Variants in ATAD2 observed in about 807,000 individuals in gnomAD.
ATAD2 encodes ATPase family AAA domain containing 2.
In ATAD2, 62 loss-of-function variants were observed where a neutral mutation model predicts 168.9. That is an observed-to-expected ratio of 0.37 (90% confidence interval 0.30 to 0.45). The LOEUF (loss-of-function observed/expected upper bound fraction) is 0.45. Ranked by LOEUF, ATAD2 falls within the 20% of genes least tolerant of loss-of-function variation. ATAD2 has a pLI of 1.00. For synonymous variants in ATAD2, 613 were observed against 571.6 expected, an observed-to-expected ratio of 1.07 and a Z score of -1.03; for missense variants, 1,419 against 1,667.8, an observed-to-expected ratio of 0.85 and a Z score of 2.60.
chr8:123,375,017 A>G (rs1390818796), intron 2 of ATAD2, among the ~76,000 whole-genome samples: 3 of 152,226 alleles, frequency 2.0e-5, no homozygotes, highest in African/African-American at 7.2e-5. Flanking sequence ...AGTAAAAAAA[A>G]GAATGGAAAG....
intron 11 of ATAD2, among the ~76,000 whole-genome samples, chr8:123,358,724 T>A (rs552210602): frequency 2.7e-4 from 31 of 115,928 alleles, no homozygotes; most frequent in African/African-American, 1.0e-3. Context: ...GGTACATTAC[T>A]TTTTTTTTTT....
intron 25 of ATAD2, among the ~76,000 whole-genome samples, chr8:123,326,871 A>C (rs1001380064): frequency 1.3e-5 from 2 of 152,162 alleles, no homozygotes; most frequent in African/African-American, 4.8e-5. Context: ...TCAATGATAA[A>C]TGAGAAAAAT....
intron 13 of ATAD2, among the ~76,000 whole-genome samples, chr8:123,351,914 A>G (rs1586875116): frequency 6.6e-6 from 1 of 151,976 alleles, no homozygotes; most frequent in East Asian, 1.9e-4. Flanking sequence ...TGCCTGGCTA[A>G]TATTTTTGTA....
intron 27 of ATAD2, 46 bp downstream of exon 27, chr8:123,322,892 T>C (rs776352745): frequency 1.3e-6 from 2 of 1,577,020 alleles, no homozygotes; most frequent in Non-Finnish European, 1.7e-6. Context: ...GATATATTAA[T>C]GTGACCACAA....
intron 12 of ATAD2, among the ~76,000 whole-genome samples, chr8:123,356,917 C>A (rs577554800): frequency 6.6e-6 from 1 of 151,996 alleles, no homozygotes; most frequent in African/African-American, 2.4e-5. Context: ...AAAAGATATA[C>A]TCCACTGGTT....
At chr8:123,376,562 TACACACAC>T (rs529588632) in intron 2 of ATAD2, among the ~76,000 whole-genome samples, 8 of 150,156 alleles carry the variant, frequency 5.3e-5, no homozygotes, top group African/African-American at 2.0e-4. Flanking sequence ...TCAAAAAAAA[TACACACAC>T]ACACACACAC....
chr8:123,372,730 C>A, intron 2 of ATAD2, 44 bp from the exon 3 acceptor site: 2 of 1,460,554 alleles, frequency 1.4e-6, no homozygotes, highest in Non-Finnish European at 1.9e-6. Flanking sequence ...ATTGACATAA[C>A]TTTATTTTTA....
intron 1 of ATAD2, among the ~76,000 whole-genome samples, chr8:123,414,354 T>C (rs1047830462): frequency 6.6e-6 from 1 of 152,190 alleles, no homozygotes; most frequent in African/African-American, 2.4e-5. Context: ...AACTGGCAAG[T>C]TGTAGAACCT....
rs1358342322 is a variant in ATAD2 at position 123,346,673 on chromosome 8, A to G, written c.2290T>C (p.Ser764Pro). The G allele has an allele frequency of 6.9e-6, 11 of 1,588,902 alleles. No individual in the cohort carries two copies. Among genetic ancestry groups the G allele is most frequent in the South Asian group, 4.7e-5 (4 of 85,860 alleles). ...TTTGCCTTATGAGAAGATTTCTGAGAAAGTCCATTTTCATAAACTGATGGA... is the reference window on the plus strand; with the variant it reads ...TTTGCCTTATGAGAAGATTTCTGAGGAAGTCCATTTTCATAAACTGATGGA... ...DVPSVYENGL[S>P]QKSSHKAKDN... Residue 764 changes from serine to proline, a missense_variant, in exon 17 of 28, where the codon TCT (serine) becomes CCT (proline). Ser to Pro is a moderately conservative substitution (Grantham distance 74). Transcript: ENST00000287394.
intron 15 of ATAD2, among the ~76,000 whole-genome samples, 183 bp from the exon 16 acceptor site, chr8:123,347,589 C>A (rs1828293019): frequency 2.0e-5 from 3 of 152,110 alleles, no homozygotes; most frequent in Admixed American, 2.0e-4. Context: ...GTAGTAATGG[C>A]CATCAACAAT....
Position 123,323,136 on chromosome 8 carries a change from G to C in ATAD2, c.4003-70C>G, listed in dbSNP as rs532009987. The stretch of plus-strand genomic sequence containing the variant: ...CTCAGACAAGATACTTAATTTAGAA[G>C]GTTTGGGCAATTATTACAAGCCTGA... On this transcript the variant is annotated intron_variant, in intron 26 of 27. Transcript: ENST00000287394. 2.9e-5 allele frequency: 43 copies of C among 1,474,178 alleles called. No homozygotes were observed. In the African/African-American group the frequency reaches 5.3e-4, roughly 18 times the overall value. The allele number at this position is 1,474,178 out of a possible 1,614,324, so 91.3% of individuals were successfully genotyped here. A position where few individuals can be genotyped will look rare whatever the true frequency, so the allele number is the denominator to read the frequency against.
Position 123,396,390 on chromosome 8 carries a change from C to T in ATAD2, c.-33G>A, listed in dbSNP as rs765104138. ...CCCTACTGGCCTCGGCGTGCGCGAC[C>T]GGAGAGAGATCCAGCTCCAGGCGCT... On this transcript the variant is annotated 5_prime_UTR_variant, in exon 1 of 28. Transcript: ENST00000287394. 4 of 1,530,046 alleles carry T rather than the reference C, an allele frequency of 2.6e-6. No individual in the cohort carries two copies. Among genetic ancestry groups the T allele is most frequent in the Non-Finnish European group, 3.5e-6 (4 of 1,140,046 alleles). 94.8% of individuals were successfully genotyped at this position (1,530,046 alleles called of 1,614,324 possible). A position where few individuals can be genotyped will look rare whatever the true frequency, so the allele number is the denominator to read the frequency against.
At chr8:123,350,598 G>C (rs1375709500) in intron 13 of ATAD2, among the ~76,000 whole-genome samples, 4 of 152,126 alleles carry the variant, frequency 2.6e-5, no homozygotes, top group Non-Finnish European at 5.9e-5. Context: ...AAGAAACTGG[G>C]TCGTTTGGCT....
At chr8:123,393,707 G>C (rs1270525104) in intron 1 of ATAD2, among the ~76,000 whole-genome samples, 1 of 151,990 alleles carries the variant, frequency 6.6e-6, no homozygotes, top group Non-Finnish European at 1.5e-5. Context: ...ACCTGAGACC[G>C]GGAGTTTGAG....
At chr8:123,373,156 T>C (rs966505519) in intron 2 of ATAD2, among the ~76,000 whole-genome samples, 9 of 151,890 alleles carry the variant, frequency 5.9e-5, no homozygotes, top group Non-Finnish European at 1.0e-4. Flanking sequence ...CCTCCCAAAG[T>C]GCTGGGATTA....
At chr8:123,370,089 G>A in intron 6 of ATAD2, 65 bp from the exon 7 acceptor site, 1 of 1,439,594 alleles carries the variant, frequency 6.9e-7, no homozygotes, top group South Asian at 1.2e-5. Flanking sequence ...TTTTAACATA[G>A]GTGAGTTGGG....
At chr8:123,366,760 T>C (rs1360509751) in intron 8 of ATAD2, among the ~76,000 whole-genome samples, 1 of 151,972 alleles carries the variant, frequency 6.6e-6, no homozygotes, top group African/African-American at 2.4e-5. Flanking sequence ...GAGTGAGGGA[T>C]AAAAGACAAC....
upstream of ATAD2, chr8:123,400,452 T>C: frequency 2.8e-6 from 1 of 359,490 alleles, no homozygotes; most frequent in African/African-American, 2.1e-5. The surrounding 1 kb of genome is among the most constrained non-coding windows in gnomAD (Gnocchi z 4.5). Flanking sequence ...GGAGGATCGC[T>C]TGAGCCCAGC....
chr8:123,400,987 G>A (rs1358866473), upstream of ATAD2: 1 of 1,460,712 alleles, frequency 6.8e-7, no homozygotes, highest in African/African-American at 1.4e-5. The surrounding 1 kb of genome is among the most constrained non-coding windows in gnomAD (Gnocchi z 4.5). Flanking sequence ...GATGCGGCAT[G>A]GCTTCTCTGG....
Sources: gnomAD v4.1 joint callset for allele counts (sites outside exome capture counted in the v4.1 genomes callset) on GRCh38, gnomAD v4.1.1 for gene constraint, Gnocchi (gnomAD v3.1) non-coding constraint, MANE v1.5 for transcripts, NCBI Gene and HGNC (gene_info 2026-07-23, HGNC 2026-07-21) for gene names.